FGF14: variants seen among roughly 807,000 people sequenced by gnomAD.
FGF14 encodes the protein fibroblast growth factor 14, also known as fibroblast growth factor homologous factor 4.
Under a neutral mutation model 25.5 loss-of-function variants are expected in FGF14, and 5 were observed. The ratio of observed to expected loss-of-function variants is 0.20; its 90% CI spans 0.10 to 0.41. The LOEUF is 0.41. FGF14 is among the 10% of genes least tolerant of loss of function. The pLI is 1.00. For synonymous variants in FGF14, 138 were observed against 118.3 expected (o/e 1.17, Z -1.08); for missense variants, 222 against 320.1 (o/e 0.69, Z 2.34).
intron 1 of FGF14, among the ~76,000 whole-genome samples, chr13:101,929,011 C>A (rs978140958): frequency 2.0e-5 from 3 of 152,132 alleles, no homozygotes; most frequent in Non-Finnish European, 4.4e-5. Context: ...AAAGGTTTAC[C>A]TCTTGGTTTA....
At chr13:101,997,367 T>C (rs145644614) in intron 1 of FGF14, among the ~76,000 whole-genome samples, 1 of 152,334 alleles carries the variant, frequency 6.6e-6, no homozygotes, top group East Asian at 1.9e-4. Flanking sequence ...TTCAAGTTGA[T>C]TGGTTACTAC....
intron 1 of FGF14, among the ~76,000 whole-genome samples, chr13:102,112,138 TA>T (rs1187118917): frequency 6.6e-6 from 1 of 152,200 alleles, no homozygotes; most frequent in Non-Finnish European, 1.5e-5. Flanking sequence ...TTATCTCACT[TA>T]ATCTCTCAAA....
At chr13:101,727,155 A>G (rs2035493946) in intron 3 of FGF14, among the ~76,000 whole-genome samples, 1 of 152,138 alleles carries the variant, frequency 6.6e-6, no homozygotes, top group Non-Finnish European at 1.5e-5. Context: ...AGTGAACCAA[A>G]TAAAATACAC....
At chr13:101,838,525 T>G (rs1208276347) in intron 3 of FGF14, among the ~76,000 whole-genome samples, 2 of 152,074 alleles carry the variant, frequency 1.3e-5, no homozygotes, top group Non-Finnish European at 2.9e-5. Flanking sequence ...AAATGAGTGC[T>G]TATGCAAGGA....
chr13:102,358,620 A>G (rs1050030757), intron 1 of FGF14, among the ~76,000 whole-genome samples: 3 of 152,190 alleles, frequency 2.0e-5, no homozygotes, highest in Admixed American at 2.0e-4. Flanking sequence ...TGAAAACACA[A>G]TATAGTGTGT....
intron 1 of FGF14, among the ~76,000 whole-genome samples, chr13:101,938,969 G>A (rs1014963356): frequency 2.6e-5 from 4 of 152,182 alleles, no homozygotes; most frequent in African/African-American, 9.7e-5. Context: ...ATGGAGTGGG[G>A]ATGAGCACTG....
chr13:102,235,879 T>C (rs1355911924), intron 1 of FGF14, among the ~76,000 whole-genome samples: 1 of 152,194 alleles, frequency 6.6e-6, no homozygotes, highest in Non-Finnish European at 1.5e-5. Flanking sequence ...AACAGATTCG[T>C]AATATTTACC....
chr13:101,884,868 T>C (rs9585800), intron 1 of FGF14, among the ~76,000 whole-genome samples: 1,047 of 73,228 alleles, frequency 0.014, 7 homozygotes, highest in Middle Eastern at 0.12. Flanking sequence ...GACACATACA[T>C]ACACACACAC....
intron 1 of FGF14, among the ~76,000 whole-genome samples, chr13:102,393,369 TG>T (rs2058481146): frequency 6.6e-6 from 1 of 152,224 alleles, no homozygotes; most frequent in Non-Finnish European, 1.5e-5. Context: ...TTTTGTTTTT[TG>T]TTTTTTTGAG....
chr13:102,054,944 G>A (rs2042366699), intron 1 of FGF14, among the ~76,000 whole-genome samples: 1 of 152,116 alleles, frequency 6.6e-6, no homozygotes, highest in African/African-American at 2.4e-5. Flanking sequence ...CTTCATTTCT[G>A]ATTTTCATCA....
chr13:102,074,056 G>T (rs574762525), intron 1 of FGF14, among the ~76,000 whole-genome samples: 17 of 152,170 alleles, frequency 1.1e-4, no homozygotes, highest in Non-Finnish European at 2.1e-4. Flanking sequence ...CACCCAGGCT[G>T]GTGTGGAGTA....
intron 1 of FGF14, among the ~76,000 whole-genome samples, chr13:101,881,798 G>A (rs1048163582): frequency 6.6e-6 from 1 of 152,156 alleles, no homozygotes; most frequent in Non-Finnish European, 1.5e-5. Context: ...GCCGGCTGTG[G>A]CACTGACAGA....
At chr13:102,371,337 T>A (rs952983725) in intron 1 of FGF14, among the ~76,000 whole-genome samples, 5 of 152,154 alleles carry the variant, frequency 3.3e-5, no homozygotes, top group African/African-American at 1.2e-4. Context: ...CACAACAGGT[T>A]ATTTCACAGG....
chr13:101,739,670 A>C (rs2036416457), intron 3 of FGF14, among the ~76,000 whole-genome samples: 1 of 152,222 alleles, frequency 6.6e-6, no homozygotes, highest in Admixed American at 6.5e-5. Flanking sequence ...AGAATGCAGA[A>C]TGTGAACACA....
rs2056750147 is a variant in FGF14 at position 102,335,003 on chromosome 13, ATCT to A, written c.208+66465_208+66467del. On this transcript the variant is annotated intron_variant, in intron 1 of 4. Transcript: ENST00000376131. ...AGCCACATCTTAGAGTCATTGTCAC[ATCT>A]TCTGCTTTTTTCCCGTCTATACCCT... 2.0e-5 allele frequency among the ~76,000 whole-genome samples: 3 copies of A among 152,130 alleles called. 1 individual carries two copies. The highest frequency in any genetic ancestry group is 2.9e-5 in the Non-Finnish European group (2 of 68,032).
At chr13:101,752,664 C>T (rs1164119633) in intron 3 of FGF14, among the ~76,000 whole-genome samples, 1 of 152,130 alleles carries the variant, frequency 6.6e-6, no homozygotes, top group Non-Finnish European at 1.5e-5. Flanking sequence ...AACCTTGGTG[C>T]TTCTAGTGTT....
At chr13:102,333,139 C>T (rs2056683151) in intron 1 of FGF14, among the ~76,000 whole-genome samples, 2 of 152,136 alleles carry the variant, frequency 1.3e-5, no homozygotes, top group Non-Finnish European at 2.9e-5. Flanking sequence ...ATGCCACCCA[C>T]GGGCCATATG....
At chr13:102,399,722 A>C (rs899004556) in intron 1 of FGF14, among the ~76,000 whole-genome samples, 1 of 152,130 alleles carries the variant, frequency 6.6e-6, no homozygotes, top group Non-Finnish European at 1.5e-5. Flanking sequence ...CAGAGTTGCT[A>C]AACGCTGAGG....
In FGF14 at chr13:102,032,460, T is replaced by C. The variant is rs141196540; in HGVS notation, c.209-157164A>G. Among the ~76,000 whole-genome samples the C allele has an allele frequency of 2.1e-4, 32 of 152,236 alleles. No homozygotes were observed. The East Asian group carries it at 5.6e-3, about 27-fold the overall frequency. The stretch of plus-strand genomic sequence containing the variant: ...GAACAGCCATAGTAGCTGAACATAC[T>C]GGATGGGAGAGAAAACTAATAGGGT... On this transcript the variant is annotated intron_variant, in intron 1 of 4. Transcript: ENST00000376131.
Sources: gnomAD v4.1 joint callset for allele counts (sites outside exome capture counted in the v4.1 genomes callset) on GRCh38, gnomAD v4.1.1 for gene constraint, MANE v1.5 for transcripts, NCBI Gene and HGNC (gene_info 2026-07-23, HGNC 2026-07-21) for gene names.